ADAT1: variants seen among roughly 807,000 people sequenced by gnomAD.
ADAT1 encodes the protein adenosine deaminase tRNA specific 1.
In ADAT1, 58 loss-of-function variants were observed where a neutral mutation model predicts 58.6. The observed-to-expected ratio is 0.99, with a 90% CI of 0.80 to 1.23. The LOEUF is 1.23. Among genes scored for constraint, ADAT1 ranks in the 50% most tolerant of loss-of-function variants. ADAT1 has a pLI of 0.00. For missense variants in ADAT1, 741 were observed against 608.6 expected (o/e 1.22, Z -2.29); for synonymous variants, 254 against 220.8 (o/e 1.15, Z -1.33).
chr16:75,601,141 G>C (rs1184062817), intron 9 of ADAT1, among the ~76,000 whole-genome samples: 2 of 152,106 alleles, frequency 1.3e-5, no homozygotes, highest in African/African-American at 4.8e-5. Context: ...AGGAGTTTGA[G>C]ACCAGCCTGG....
chr16:75,598,525 T>C lies in ADAT1; in HGVS notation c.*1691A>G, dbSNP rs1347497884. The stretch of plus-strand genomic sequence containing the variant: ...TGTGGATATACTAAAAAAATTTTTT[T>C]TTTTTTTTTTTGAGACAGGATCTCA... On this transcript the variant is annotated 3_prime_UTR_variant, in exon 10 of 10. Transcript: ENST00000564657. Among the ~76,000 whole-genome samples, 1 of 151,662 alleles carries C rather than the reference T, an allele frequency of 6.6e-6. No homozygotes were observed. The highest frequency in any genetic ancestry group is 1.5e-5 in the Non-Finnish European group (1 of 67,878).
intron 8 of ADAT1, among the ~76,000 whole-genome samples, chr16:75,607,225 C>A: frequency 6.6e-6 from 1 of 151,804 alleles, no homozygotes; most frequent in East Asian, 1.9e-4. Flanking sequence ...GTAATGAGGC[C>A]GGGTGAGATG....
At chr16:75,600,417 C>CT in intron 9 of ADAT1, 69 bp from the exon 10 acceptor site, 1 of 1,588,814 alleles carries the variant, frequency 6.3e-7, no homozygotes, top group Admixed American at 1.7e-5. Flanking sequence ...CACCAGACAC[C>CT]TGAGCAAGCA....
At position 75,600,331 on chromosome 16, in the gene ADAT1, G is replaced by A; in HGVS notation, c.1394C>T (p.Thr465Ile). The A allele has an allele frequency of 1.9e-6, 3 of 1,613,816 alleles. No individual in the cohort carries two copies. Among genetic ancestry groups the A allele is most frequent in the Non-Finnish European group, 2.5e-6 (3 of 1,180,006 alleles). ...CGCAGCCTCCTTGTACTCCTGGTAG[G>A]TATCCAGCTTCTGCACCCTAATGCA... ...PHSLRVQKLD[T>I]YQEYKEAASS... The change falls in exon 10 of 10, where the codon ACC becomes ATC. Residue 465 changes from threonine (T) to isoleucine (I), a missense_variant. By Grantham distance (89) the Thr-to-Ile change is moderately conservative (BLOSUM62 -1). Transcript: ENST00000564657.
At chr16:75,617,493 C>G (rs545162693) in intron 4 of ADAT1, among the ~76,000 whole-genome samples, 1 of 152,208 alleles carries the variant, frequency 6.6e-6, no homozygotes, top group South Asian at 2.1e-4. Flanking sequence ...TTTCAACTGG[C>G]CTCGGTGGCT....
rs141222568 is a variant in ADAT1, at chr16:75,612,655, C to T, written c.631G>A (p.Gly211Arg). 3,021 of 1,614,060 alleles carry T rather than the reference C, an allele frequency of 1.9e-3. 9 individuals carry two copies. The highest frequency in any genetic ancestry group is 8.5e-3 in the African/African-American group (636 of 75,014). Residue 211 changes from glycine (G) to arginine (R), a missense_variant, in exon 6 of 10, where the codon GGA (glycine) becomes AGA (arginine). Physicochemically the swap from Gly to Arg is moderately radical, Grantham distance 125. Coordinates refer to ENST00000564657, the MANE Select transcript of ADAT1 (RefSeq NM_001324445.2). ...PGTAAREVTN[G>R]AAHHQSFGKQ... ...CCAAAACTCTGATGGTGAGCTGCTC[C>T]GTTGGTGACCTCCCTGGCTGCAGTC...
In ADAT1 at chr16:75,608,775, G is replaced by C. The variant is rs59487462; in HGVS notation, c.1189+68C>G. 16,433 of 1,552,680 alleles carry C rather than the reference G, an allele frequency of 0.011. 1,519 individuals carry two copies. In the African/African-American group the frequency reaches 0.2, roughly 19 times the overall value. On this transcript the variant is annotated intron_variant, in intron 7 of 9. Transcript: ENST00000564657. ...TACCTTCCTAGGCTGGGAGGATGCC[G>C]ACCCTCTGGGGCCACTCTCAGTCAG... is the stretch of plus-strand genomic sequence containing the variant.
chr16:75,612,347 C>T lies in ADAT1; in HGVS notation c.939G>A (p.Gly313=). 6.2e-7 allele frequency: 1 copy of T among 1,614,178 alleles called. No homozygotes were observed. Among genetic ancestry groups the T allele is most frequent in the Non-Finnish European group, 8.5e-7 (1 of 1,180,044 alleles). ...MARWNVLGCQ[G]ALLMHLLEEP... ...CTTCCAGCAAGTGCATCAACAGTGCCCCTTGGCATCCGAGGACGTTCCATC... is the reference window on the plus strand; with the variant it reads ...CTTCCAGCAAGTGCATCAACAGTGCTCCTTGGCATCCGAGGACGTTCCATC... Residue 313 remains glycine (G), a synonymous_variant, in exon 6 of 10, where the codon GGG becomes GGA. Coordinates refer to ENST00000564657, the MANE Select transcript of ADAT1 (RefSeq NM_001324445.2).
At chr16:75,603,714 T>G (rs951542425) in intron 8 of ADAT1, among the ~76,000 whole-genome samples, 2 of 74,642 alleles carry the variant, frequency 2.7e-5, no homozygotes, top group Non-Finnish European at 4.2e-5. Flanking sequence ...GAGGTGAGTG[T>G]TGACTACTTT....
intron 1 of ADAT1, among the ~76,000 whole-genome samples, 187 bp from the exon 2 acceptor site, chr16:75,621,007 A>T (rs894862638): frequency 2.6e-5 from 4 of 152,146 alleles, no homozygotes; most frequent in African/African-American, 9.7e-5. Flanking sequence ...AAGATCAAAG[A>T]AACCCCAAAT....
At position 75,608,233 on chromosome 16, in the gene ADAT1, A is replaced by T. The variant is rs1480157333; in HGVS notation, c.1280T>A (p.Leu427His). The part of the protein sequence containing the change: ...QGTTKKTIGS[L>H]QARSQISKVE... ...CCCCAATATGCTGTACCTTGCCTGA[A>T]GGCTTCCAATTGTTTTCTTTGTTGT... The change falls in exon 8 of 10, where the codon CTT (leucine) becomes CAT (histidine). Residue 427 changes from leucine (L) to histidine (H), a missense_variant. By Grantham distance (99) the Leu-to-His change is moderately conservative. Coordinates refer to ENST00000564657, the MANE Select transcript of ADAT1 (RefSeq NM_001324445.2). 6.2e-7 allele frequency: 1 copy of T among 1,613,936 alleles called. No homozygotes were observed. Among genetic ancestry groups the T allele is most frequent in the South Asian group, 1.1e-5 (1 of 91,068 alleles).
In ADAT1 at chr16:75,599,117, T is replaced by C. The variant is rs904011965; in HGVS notation, c.*1099A>G. On this transcript the variant is annotated 3_prime_UTR_variant, in exon 10 of 10. Transcript: ENST00000564657. Reference sequence around the variant, plus strand: ...TTTTTTTTGAGATAGGGTCTTGCTCTATCACCCAGGCTGGAGTGCAGCGGT... The same window carrying C: ...TTTTTTTTGAGATAGGGTCTTGCTCCATCACCCAGGCTGGAGTGCAGCGGT... 2.1e-6 allele frequency: 2 copies of C among 970,992 alleles called. No homozygotes were observed. The highest frequency in any genetic ancestry group is 2.4e-6 in the Non-Finnish European group (2 of 823,408). The allele number at this position is 970,992 out of a possible 1,614,324, so 60.1% of individuals were successfully genotyped here.
intron 8 of ADAT1, among the ~76,000 whole-genome samples, chr16:75,603,731 C>T (rs1165666175): frequency 6.6e-6 from 1 of 152,140 alleles, no homozygotes; most frequent in African/African-American, 2.4e-5. Context: ...CTTTATAAGC[C>T]CACCCAGACC....
Position 75,612,262 on chromosome 16 carries a change from G to A in ADAT1, c.1024C>T (p.Gln342Ter), listed in dbSNP as rs2081561090. 6.2e-7 allele frequency: 1 copy of A among 1,613,946 alleles called. No individual in the cohort carries two copies. Among genetic ancestry groups the A allele is most frequent in the African/African-American group, 1.3e-5 (1 of 74,914 alleles). The change falls in exon 6 of 10, where the codon CAG becomes TAG. Residue 342 changes from glutamine (Q) to a stop codon, truncating the protein, a stop_gained. Coordinates refer to ENST00000564657, the MANE Select transcript of ADAT1 (RefSeq NM_001324445.2). LOFTEE classifies it high-confidence loss of function. ...TCTCACCTTCCAATCAGTGCTCTCTGCATGGCTTCCTGGCTGTATGGGCAC... is the reference window on the plus strand; with the variant it reads ...TCTCACCTTCCAATCAGTGCTCTCTACATGGCTTCCTGGCTGTATGGGCAC... Reference protein sequence around the residue: ...GKCPYSQEAMQRALIGRCQNV... With the variant: ...GKCPYSQEAM
chr16:75,597,900 A>G lies in ADAT1; in HGVS notation c.*2316T>C, dbSNP rs911927153. Among the ~76,000 whole-genome samples the G allele has an allele frequency of 3.3e-5, 5 of 152,214 alleles. No homozygotes were observed. The highest frequency in any genetic ancestry group is 7.3e-5 in the Non-Finnish European group (5 of 68,036). On this transcript the variant is annotated 3_prime_UTR_variant, in exon 10 of 10. Coordinates refer to ENST00000564657, the MANE Select transcript of ADAT1 (RefSeq NM_001324445.2). ...AGCCATAAATACAGATGAAACTTCAAGTGCTCACCTGTTACTTATCTCCTG... is the reference window on the plus strand; with the variant it reads ...AGCCATAAATACAGATGAAACTTCAGGTGCTCACCTGTTACTTATCTCCTG...
chr16:75,604,219 G>C (rs996559374), intron 8 of ADAT1, among the ~76,000 whole-genome samples: 3 of 151,662 alleles, frequency 2.0e-5, no homozygotes, highest in African/African-American at 7.3e-5. Flanking sequence ...GATCACCTGA[G>C]GTCAGGAGTT....
intron 6 of ADAT1, among the ~76,000 whole-genome samples, chr16:75,610,096 T>C (rs2081483437): frequency 6.6e-6 from 1 of 152,220 alleles, no homozygotes; most frequent in East Asian, 1.9e-4. Context: ...TTTCTTTCAC[T>C]TAGCATTATA....
At position 75,612,849 on chromosome 16, in the gene ADAT1, G is replaced by C. The variant is rs745660956; in HGVS notation, c.437C>G (p.Ser146Cys). The C allele has an allele frequency of 6.2e-7, 1 of 1,613,684 alleles. No homozygotes were observed. Among genetic ancestry groups the C allele is most frequent in the Non-Finnish European group, 8.5e-7 (1 of 1,179,832 alleles). ...TTCAAACTCAAGCATCGGAATGATGGAGGCATCCCCACCTGCAGAGAATGA... is the reference window on the plus strand; with the variant it reads ...TTCAAACTCAAGCATCGGAATGATGCAGGCATCCCCACCTGCAGAGAATGA... ...FSSHTPCGDA[S>C]IIPMLEFEDQ... is the part of the protein sequence containing the mutation. The change falls in exon 6 of 10, where the codon TCC (serine) becomes TGC (cysteine). Residue 146 changes from serine to cysteine, a missense_variant. Ser to Cys is a moderately radical substitution (Grantham distance 112, BLOSUM62 -1). Coordinates refer to ENST00000564657, the MANE Select transcript of ADAT1 (RefSeq NM_001324445.2).
rs1453460389 is a variant in ADAT1 at position 75,600,137 on chromosome 16, A to C, written c.*79T>G. 1 of 1,568,418 alleles carries C rather than the reference A, an allele frequency of 6.4e-7. No homozygotes were observed. Among genetic ancestry groups the C allele is most frequent in the African/African-American group, 1.4e-5 (1 of 73,458 alleles). ...AAGAATGTTCCCTGATTTAACTACC[A>C]AAAAAGCTAAGACTTGTCCTGCGTG... On this transcript the variant is annotated 3_prime_UTR_variant, in exon 10 of 10. Transcript: ENST00000564657.
Sources: allele counts gnomAD v4.1 joint callset (sites outside exome capture counted in the v4.1 genomes callset), GRCh38; gene constraint gnomAD v4.1.1; transcripts MANE v1.5; gene names NCBI Gene and HGNC (gene_info 2026-07-23, HGNC 2026-07-21).